Variants in ZFP62 observed in about 807,000 individuals in gnomAD.
ZFP62 encodes the protein zinc finger protein 62 homolog.
Under a neutral mutation model 56.4 loss-of-function variants are expected in ZFP62, and 44 were observed. The observed-to-expected ratio is 0.78, with a 90% CI of 0.61 to 1.00. ZFP62 has a LOEUF of 1.00. Among genes scored for constraint, ZFP62 ranks in the 50% least tolerant of loss-of-function variants. The probability of loss-of-function intolerance (pLI) is 0.00; values close to 1 mark genes in which losing one functional copy is unlikely to be tolerated. For missense variants in ZFP62, 1,030 were observed against 1,085.7 expected, an observed-to-expected ratio of 0.95 and a Z score of 0.72; for synonymous variants, 421 against 388.9, an observed-to-expected ratio of 1.08 and a Z score of -0.97.
chr5:180,845,573 C>G (rs1773395290), downstream of ZFP62: 1 of 347,810 alleles, frequency 2.9e-6, no homozygotes, highest in Non-Finnish European at 4.1e-6. Flanking sequence ...AATGGCTCCT[C>G]AGTAGGAAGA....
At chr5:180,856,952 C>T in intron 1 of ZFP62, among the ~76,000 whole-genome samples, 1 of 63,676 alleles carries the variant, frequency 1.6e-5, no homozygotes, top group East Asian at 4.4e-4. Context: ...GACTATGTCT[C>T]AAAAAAAAAA....
chr5:180,834,796 G>A, the ZFP62 span: 1 of 152,386 alleles, frequency 6.6e-6, no homozygotes, highest in East Asian at 1.9e-4. Flanking sequence ...CAACTTGACA[G>A]GATTGAGGGA....
chr5:180,829,879 C>T, the ZFP62 span: 1 of 152,248 alleles, frequency 6.6e-6, no homozygotes, highest in South Asian at 2.1e-4. Context: ...TCCTCATACA[C>T]ACAGCTCATT....
At position 180,850,201 on chromosome 5, in the gene ZFP62, A is replaced by C. The variant is rs1307121829; in HGVS notation, c.1294T>G (p.Tyr432Asp). ...CTGTGTTGAAGAAGTAGTGAGTTAT[A>C]ACTAAAGGATTTCCCACACTCCTTA... ...ECKECGKSFS[Y>D]NSLLLQHRTI... Residue 432 changes from tyrosine (Y) to aspartate (D), a missense_variant, in exon 2 of 2, where the codon TAT becomes GAT. Transcript: ENST00000502412. The C allele has an allele frequency of 1.2e-5, 19 of 1,552,254 alleles. No homozygotes were observed. Among genetic ancestry groups the C allele is most frequent in the Non-Finnish European group, 1.6e-5 (18 of 1,147,312 alleles).
rs1773501021 is a variant in ZFP62, at chr5:180,848,524, T to G, written c.*268A>C. 1 of 1,171,434 alleles carries G rather than the reference T, an allele frequency of 8.5e-7. No individual in the cohort carries two copies. The highest frequency in any genetic ancestry group is 1.1e-6 in the Non-Finnish European group (1 of 948,250). The allele number at this position is 1,171,434 out of a possible 1,614,324, so 72.6% of individuals were successfully genotyped here. A position where few individuals can be genotyped will look rare whatever the true frequency, so the allele number is the denominator to read the frequency against. ...TTTATGTCCAGAAATGTCTACTGAT[T>G]TTGAAGATTTGCTTCACATTCCATC... On this transcript the variant is annotated 3_prime_UTR_variant, in exon 2 of 2. Transcript: ENST00000502412.
the ZFP62 span, chr5:180,830,732 GAACAGCAGCTAAAGCAGT>G: frequency 6.6e-6 from 1 of 151,332 alleles, no homozygotes; most frequent in African/African-American, 2.4e-5. Flanking sequence ...AGATTAAGCA[GAACAGCAGCTAAAGCAGT>G]AACAGCAGGT....
At chr5:180,841,992 G>A in the ZFP62 span, among the ~76,000 whole-genome samples, 1 of 152,174 alleles carries the variant, frequency 6.6e-6, no homozygotes, top group Non-Finnish European at 1.5e-5. Context: ...GTTGCTGTGA[G>A]CCCAGATTTT....
chr5:180,843,063 A>G (rs1773346611), downstream of ZFP62, among the ~76,000 whole-genome samples: 1 of 150,854 alleles, frequency 6.6e-6, no homozygotes, highest in Admixed American at 6.6e-5. Flanking sequence ...ATAAATAAAT[A>G]AATTTAAAAA....
the ZFP62 span, among the ~76,000 whole-genome samples, chr5:180,829,557 A>G: frequency 6.6e-6 from 1 of 152,232 alleles, no homozygotes; most frequent in Admixed American, 6.5e-5. Context: ...AATAGAAAGA[A>G]CCTATGTTGA....
chr5:180,850,270 C>A lies in ZFP62; in HGVS notation c.1225G>T (p.Ala409Ser). ...CCAGGGTGAATGCTTTTATGGACTG[C>A]GAGGCCTGAGCTATAGCTGAATGCT... Reference protein sequence around the residue: ...GKAFSYSSGLAVHKSIHPGKK... With the variant: ...GKAFSYSSGLSVHKSIHPGKK... The change falls in exon 2 of 2, where the codon GCA (alanine) becomes TCA (serine). Residue 409 changes from alanine to serine, a missense_variant. Transcript: ENST00000502412. The A allele has an allele frequency of 1.3e-6, 2 of 1,555,546 alleles. No individual in the cohort carries two copies. The highest frequency in any genetic ancestry group is 1.7e-6 in the Non-Finnish European group (2 of 1,149,382).
the ZFP62 span, chr5:180,831,539 G>A: frequency 6.6e-6 from 1 of 152,320 alleles, no homozygotes; most frequent in Non-Finnish European, 1.5e-5. Context: ...AGGCCGCGGT[G>A]TTCTTGTAAA....
intron 1 of ZFP62, among the ~76,000 whole-genome samples, chr5:180,854,211 T>A (rs978884307): frequency 6.6e-6 from 1 of 152,192 alleles, no homozygotes; most frequent in Non-Finnish European, 1.5e-5. Flanking sequence ...AGCATCATGC[T>A]ATACCAGCAA....
chr5:180,844,176 TAA>T (rs1409601454), downstream of ZFP62, among the ~76,000 whole-genome samples: 4 of 152,244 alleles, frequency 2.6e-5, no homozygotes, highest in African/African-American at 7.2e-5. Flanking sequence ...CTTCAACTTT[TAA>T]AAAGATAGTC....
At chr5:180,861,136 G>C (rs1756055855) in intron 1 of ZFP62, 83 bp downstream of exon 1, 1 of 398,932 alleles carries the variant, frequency 2.5e-6, no homozygotes, top group Admixed American at 4.4e-5. Context: ...GACCCGCGGA[G>C]CAGCCAAGAC....
downstream of ZFP62, chr5:180,845,910 T>C: frequency 4.1e-6 from 4 of 982,566 alleles, no homozygotes; most frequent in Non-Finnish European, 4.8e-6. Context: ...GGCTTTCACC[T>C]TCAGACAAAT....
chr5:180,843,427 C>T (rs1389557355), downstream of ZFP62, among the ~76,000 whole-genome samples: 12 of 151,992 alleles, frequency 7.9e-5, no homozygotes, highest in Admixed American at 7.9e-4. Context: ...TGGATTAAAA[C>T]AAACTATATG....
In ZFP62 at chr5:180,849,954, A is replaced by T. The variant is rs1426397770; in HGVS notation, c.1541T>A (p.Phe514Tyr). The T allele has an allele frequency of 6.4e-7, 1 of 1,551,602 alleles. No homozygotes were observed. The highest frequency in any genetic ancestry group is 1.2e-5 in the South Asian group (1 of 84,048). The stretch of plus-strand genomic sequence containing the variant: ...CTGTTCAAGGGCAGAGCTGTAGTTG[A>T]AGGATTTCTCACAATAGCTACATTT... ...PYKCSYCEKS[F>Y]NYSSALEQHK... Residue 514 changes from phenylalanine to tyrosine, a missense_variant, in exon 2 of 2, where the codon TTC becomes TAC. Transcript: ENST00000502412.
chr5:180,845,925 T>C, downstream of ZFP62: 1 of 952,710 alleles, frequency 1.0e-6, no homozygotes, highest in Non-Finnish European at 1.2e-6. Flanking sequence ...ACAAATTTGC[T>C]AATAGAGACA....
intron 1 of ZFP62, among the ~76,000 whole-genome samples, chr5:180,856,533 T>A (rs1773982051): frequency 6.6e-6 from 1 of 152,220 alleles, no homozygotes; most frequent in African/African-American, 2.4e-5. Flanking sequence ...AAGACTATTG[T>A]CTGCATCCTG....
Sources: gnomAD v4.1 joint callset for allele counts (sites outside exome capture counted in the v4.1 genomes callset) on GRCh38, gnomAD v4.1.1 for gene constraint, MANE v1.5 for transcripts, NCBI Gene and HGNC (gene_info 2026-07-23, HGNC 2026-07-21) for gene names.